DAB1: variants seen among roughly 807,000 people sequenced by gnomAD.
DAB1 encodes the protein DAB adaptor protein 1, also known as disabled homolog 1.
In DAB1, 15 loss-of-function variants were observed where a neutral mutation model predicts 64.6. The ratio of observed to expected loss-of-function variants is 0.23; its 90% CI spans 0.16 to 0.36. The LOEUF (loss-of-function observed/expected upper bound fraction) is 0.36. Ranked by LOEUF, DAB1 falls within the 10% of genes least tolerant of loss-of-function variation. The pLI is 1.00. For synonymous variants in DAB1, 235 were observed against 251.9 expected, an observed-to-expected ratio of 0.93 and a Z score of 0.64; for missense variants, 596 against 706.7, an observed-to-expected ratio of 0.84 and a Z score of 1.78.
chr1:57,869,431 A>T (rs953220924), intron 1 of DAB1, among the ~76,000 whole-genome samples: 6 of 134,920 alleles, frequency 4.4e-5, no homozygotes, highest in African/African-American at 2.3e-4. Flanking sequence ...TCATGCACAA[A>T]CAAAGTTGAC....
At chr1:57,092,945 A>T (rs1000545215) in intron 4 of DAB1, among the ~76,000 whole-genome samples, 3 of 152,146 alleles carry the variant, frequency 2.0e-5, no homozygotes, top group African/African-American at 7.2e-5. Flanking sequence ...CCATTTCTTG[A>T]TCAGGAAAGG....
At chr1:57,183,232 C>T (rs1663168972) in intron 2 of DAB1, among the ~76,000 whole-genome samples, 1 of 152,070 alleles carries the variant, frequency 6.6e-6, no homozygotes, top group South Asian at 2.1e-4. Flanking sequence ...GTGAATGGGT[C>T]TGGATTTTAG....
At chr1:58,117,858 T>A (rs1336609253) in intron 5 of DAB1, among the ~76,000 whole-genome samples, 1 of 150,186 alleles carries the variant, frequency 6.7e-6, no homozygotes, top group African/African-American at 2.5e-5. Context: ...TTTTTTATAT[T>A]TTTTTTAATA....
At position 58,426,781 on chromosome 1, in the gene DAB1, C is replaced by A. The variant is rs7410818; in HGVS notation, n.257+79279G>T. Among the ~76,000 whole-genome samples the A allele has an allele frequency of 8.2e-3, 1,244 of 152,176 alleles. 21 individuals are homozygous for A. Among genetic ancestry groups the A allele is most frequent in the African/African-American group, 0.029 (1,183 of 41,488 alleles). ...TAGGGCCTAAAGATCTGACAGTGAA[C>A]ATAATTCAAAATAAAATTAAAAAAT... On this transcript the variant is annotated intron_variant and non_coding_transcript_variant, in intron 3 of 20. Coordinates refer to the DAB1 transcript ENST00000485760.
chr1:58,514,733 A>G (rs1646133697), intron 2 of DAB1, among the ~76,000 whole-genome samples: 1 of 152,206 alleles, frequency 6.6e-6, no homozygotes, highest in African/African-American at 2.4e-5. Context: ...ATAAGATGTA[A>G]AGGGACCAAA....
At chr1:57,474,844 G>A (rs1408034710) in intron 7 of DAB1, among the ~76,000 whole-genome samples, 2 of 152,160 alleles carry the variant, frequency 1.3e-5, no homozygotes, top group African/African-American at 4.8e-5. Context: ...GTGATGTCAA[G>A]TGCTCTAAAA....
chr1:57,588,248 T>C (rs1645403157), intron 7 of DAB1, among the ~76,000 whole-genome samples: 1 of 152,254 alleles, frequency 6.6e-6, no homozygotes, highest in East Asian at 1.9e-4. Context: ...ATCTGTATTC[T>C]GTTACAGTTT....
At chr1:58,337,735 A>G (rs1663154542) in intron 4 of DAB1, among the ~76,000 whole-genome samples, 1 of 152,180 alleles carries the variant, frequency 6.6e-6, no homozygotes, top group Non-Finnish European at 1.5e-5. Flanking sequence ...TGTATTAATC[A>G]TATATGAAAA....
At chr1:57,059,794 C>T (rs1216244270) in intron 9 of DAB1, among the ~76,000 whole-genome samples, 4 of 152,138 alleles carry the variant, frequency 2.6e-5, no homozygotes, top group Non-Finnish European at 5.9e-5. Context: ...TATCGAAATT[C>T]TCATAGGTAG....
chr1:57,501,943 G>A (rs572520027), intron 7 of DAB1, among the ~76,000 whole-genome samples: 3 of 152,008 alleles, frequency 2.0e-5, no homozygotes, highest in South Asian at 2.1e-4. Context: ...AAAGATCATC[G>A]CCTATATGTA....
chr1:57,282,182 CAAAAAAAAAAAA>C (rs61512431), intron 2 of DAB1, among the ~76,000 whole-genome samples: 17 of 92,786 alleles, frequency 1.8e-4, no homozygotes, highest in Non-Finnish European at 3.5e-4. Context: ...GCCTTCTTCT[CAAAAAAAAAAAA>C]AAAAAAAAAA....
At chr1:57,958,169 G>A (rs1645436034) in intron 5 of DAB1, among the ~76,000 whole-genome samples, 1 of 151,946 alleles carries the variant, frequency 6.6e-6, no homozygotes, top group African/African-American at 2.4e-5. Flanking sequence ...GTAGAGACGG[G>A]GTTTCACCAT....
intron 6 of DAB1, among the ~76,000 whole-genome samples, chr1:57,772,809 T>C (rs1649620175): frequency 6.6e-6 from 1 of 152,118 alleles, no homozygotes; most frequent in African/African-American, 2.4e-5. Context: ...AAATTACATG[T>C]TGTGGCTCTA....
intron 2 of DAB1, among the ~76,000 whole-genome samples, chr1:57,242,807 C>G (rs890031290): frequency 6.6e-6 from 1 of 152,116 alleles, no homozygotes. Context: ...TATAAAAGAG[C>G]CAAAACCCTT....
intron 7 of DAB1, among the ~76,000 whole-genome samples, chr1:57,590,958 G>A (rs768423365): frequency 1.3e-5 from 2 of 152,078 alleles, no homozygotes; most frequent in African/African-American, 2.4e-5. Flanking sequence ...ATTCAGTACT[G>A]AATCAAATTC....
At chr1:57,617,284 T>C (rs7540610) in intron 7 of DAB1, among the ~76,000 whole-genome samples, 2,286 of 152,134 alleles carry the variant, frequency 0.015, 37 homozygotes, top group Non-Finnish European at 0.02. Flanking sequence ...CAACCGCCAG[T>C]GTACGAGAGG....
At chr1:57,687,226 C>T (rs1254146035) in intron 6 of DAB1, among the ~76,000 whole-genome samples, 1 of 152,048 alleles carries the variant, frequency 6.6e-6, no homozygotes, top group African/African-American at 2.4e-5. Flanking sequence ...GTACAAAAAT[C>T]AGTACCATTT....
intron 4 of DAB1, among the ~76,000 whole-genome samples, chr1:58,186,426 G>A (rs1192967797): frequency 1.3e-5 from 2 of 152,164 alleles, no homozygotes; most frequent in Non-Finnish European, 2.9e-5. Flanking sequence ...AGAAGCCTGG[G>A]AATAGCAGTT....
intron 5 of DAB1, among the ~76,000 whole-genome samples, chr1:57,915,142 AAAAG>A (rs1414093993): frequency 2.3e-5 from 3 of 129,898 alleles, no homozygotes; most frequent in African/African-American, 6.0e-5. Flanking sequence ...AAAAAAAAAA[AAAAG>A]AACTGGAAGG....
Sources: gnomAD v4.1 joint callset for allele counts (sites outside exome capture counted in the v4.1 genomes callset) on GRCh38, gnomAD v4.1.1 for gene constraint, MANE v1.5 for transcripts, NCBI Gene and HGNC (gene_info 2026-07-23, HGNC 2026-07-21) for gene names.